The following TEKT5 variants were observed in gnomAD, a reference collection of about 807,000 sequenced individuals.
TEKT5 encodes the protein tektin 5.
Under a neutral mutation model 48.7 loss-of-function variants are expected in TEKT5, and 52 were observed. The ratio of observed to expected loss-of-function variants is 1.07; its 90% CI spans 0.86 to 1.35. The LOEUF is 1.35. TEKT5 is among the 40% of genes most tolerant of loss of function. The pLI is 0.00. For missense variants in TEKT5, 831 were observed against 641.6 expected (o/e 1.30, Z -3.19); for synonymous variants, 318 against 267.6 (o/e 1.19, Z -1.84).
At chr16:10,666,104 G>T (rs546533553) in intron 5 of TEKT5, among the ~76,000 whole-genome samples, 54 of 152,320 alleles carry the variant, frequency 3.5e-4, no homozygotes, top group African/African-American at 1.3e-3. Context: ...CGGGCATGGT[G>T]GTGTGCACCC....
intron 5 of TEKT5, among the ~76,000 whole-genome samples, chr16:10,650,121 G>C (rs945469784): frequency 6.6e-6 from 1 of 151,730 alleles, no homozygotes; most frequent in Non-Finnish European, 1.5e-5. Flanking sequence ...GCCCACGCTG[G>C]AGTGCAGTGG....
chr16:10,665,254 G>C (rs192202158), intron 5 of TEKT5, among the ~76,000 whole-genome samples: 1 of 152,298 alleles, frequency 6.6e-6, no homozygotes, highest in African/African-American at 2.4e-5. Context: ...CATTACCCGG[G>C]AGATGACACC....
At chr16:10,638,159 C>T (rs1897942017) in intron 5 of TEKT5, among the ~76,000 whole-genome samples, 1 of 151,564 alleles carries the variant, frequency 6.6e-6, no homozygotes, top group Non-Finnish European at 1.5e-5. Context: ...TGAAACTTTC[C>T]ACAACAAAAA....
intron 3 of TEKT5, among the ~76,000 whole-genome samples, chr16:10,685,650 C>A (rs1237887500): frequency 3.9e-5 from 6 of 152,142 alleles, no homozygotes; most frequent in Admixed American, 3.9e-4. Context: ...CTTTCTCTGT[C>A]TCTATCTCAT....
At chr16:10,666,911 G>A (rs1014404618) in intron 5 of TEKT5, among the ~76,000 whole-genome samples, 3 of 151,748 alleles carry the variant, frequency 2.0e-5, no homozygotes, top group Admixed American at 1.3e-4. Context: ...TGATGCAGGG[G>A]TAACTATTCT....
chr16:10,656,644 A>G (rs188025309), intron 5 of TEKT5, among the ~76,000 whole-genome samples: 23 of 152,366 alleles, frequency 1.5e-4, no homozygotes, highest in African/African-American at 5.0e-4. Flanking sequence ...CCTGAGATAT[A>G]ATAAACTGAT....
intron 5 of TEKT5, among the ~76,000 whole-genome samples, chr16:10,660,151 G>A (rs916679446): frequency 1.3e-5 from 2 of 152,138 alleles, no homozygotes; most frequent in African/African-American, 4.8e-5. Context: ...CTCCAGTATG[G>A]GATCCAATTT....
chr16:10,646,457 T>A (rs1898072204), intron 5 of TEKT5, among the ~76,000 whole-genome samples: 1 of 152,240 alleles, frequency 6.6e-6, no homozygotes, highest in African/African-American at 2.4e-5. Context: ...AGTCCCTGCC[T>A]TCAAGGATTT....
Position 10,674,611 on chromosome 16 carries a change from A to T in TEKT5, c.1086+1348T>A, listed in dbSNP as rs1260215041. ...CCAGCCTGGGCAACAGAGCAAGATC[A>T]TCTCAGAAAAAAAAAAAAAAAAAAA... On this transcript the variant is annotated intron_variant, in intron 5 of 6. Coordinates refer to ENST00000283025, the MANE Select transcript of TEKT5 (RefSeq NM_144674.2). 3.9e-5 allele frequency among the ~76,000 whole-genome samples: 4 copies of T among 102,628 alleles called. No homozygotes were observed. In the East Asian group the frequency reaches 1.1e-3, roughly 29 times the overall value. 67.3% of individuals were successfully genotyped at this position (102,628 alleles called of 152,430 possible).
chr16:10,640,395 T>C (rs1214550684), intron 5 of TEKT5, among the ~76,000 whole-genome samples: 1 of 152,206 alleles, frequency 6.6e-6, no homozygotes, highest in African/African-American at 2.4e-5. Flanking sequence ...AATACAGGCA[T>C]GTGAGCCGCC....
chr16:10,647,323 T>G (rs1390602178), intron 5 of TEKT5, among the ~76,000 whole-genome samples: 1 of 151,378 alleles, frequency 6.6e-6, no homozygotes, highest in Non-Finnish European at 1.5e-5. Context: ...TAAAAAAAAA[T>G]AAGCCGGGCG....
intron 6 of TEKT5, among the ~76,000 whole-genome samples, chr16:10,631,083 T>TATATAC (rs768698257): frequency 2.4e-4 from 36 of 148,734 alleles, no homozygotes; most frequent in African/African-American, 8.2e-4. Context: ...TATATATATA[T>TATATAC]ACACACACAC....
chr16:10,666,973 C>T (rs1000459913), intron 5 of TEKT5, among the ~76,000 whole-genome samples: 20 of 126,088 alleles, frequency 1.6e-4, no homozygotes, highest in Non-Finnish European at 3.2e-4. Context: ...AACACTGGCT[C>T]CTTACTTTTT....
At chr16:10,662,142 G>A (rs146360173) in intron 5 of TEKT5, among the ~76,000 whole-genome samples, 215 of 152,314 alleles carry the variant, frequency 1.4e-3, no homozygotes, top group African/African-American at 4.8e-3. Flanking sequence ...ACTGTCCTGT[G>A]CACTGTGGGA....
chr16:10,683,873 A>T (rs2248005), intron 3 of TEKT5, among the ~76,000 whole-genome samples: 1 of 152,232 alleles, frequency 6.6e-6, no homozygotes, highest in Non-Finnish European at 1.5e-5. Context: ...GATTATAGGC[A>T]TAAGCCACCG....
intron 6 of TEKT5, among the ~76,000 whole-genome samples, chr16:10,634,850 C>T (rs1049146330): frequency 6.6e-6 from 1 of 152,140 alleles, no homozygotes; most frequent in Non-Finnish European, 1.5e-5. Flanking sequence ...GGAACCTTCC[C>T]CAGTCCAGCC....
intron 5 of TEKT5, among the ~76,000 whole-genome samples, chr16:10,654,315 T>A (rs1159711354): frequency 6.6e-6 from 1 of 152,196 alleles, no homozygotes; most frequent in Non-Finnish European, 1.5e-5. Flanking sequence ...CCTCCCAAAG[T>A]GCTGGGATTA....
chr16:10,689,965 T>C lies in TEKT5; in HGVS notation c.625A>G (p.Asn209Asp), dbSNP rs1035266014. The change falls in exon 2 of 7, where the codon AAC (asparagine) becomes GAC (aspartate). Residue 209 changes from asparagine to aspartate, a missense_variant. Transcript: ENST00000283025. ...ACCCGGATAAGGTTTTTCTCCACGT[T>C]GTCATGGACCAAATCAATCCCAATC... ...KRIGIDLVHD[N>D]VEKNLIREVD... 1.2e-6 allele frequency: 2 copies of C among 1,613,920 alleles called. No homozygotes were observed. Among genetic ancestry groups the C allele is most frequent in the African/African-American group, 2.7e-5 (2 of 74,880 alleles).
rs200938027 is a variant in TEKT5, at chr16:10,694,788, G to A, written c.86C>T (p.Ala29Val). The A allele has an allele frequency of 2.3e-5, 37 of 1,613,462 alleles. No individual in the cohort carries two copies. The African/African-American group carries it at 2.7e-4, about 12-fold the overall frequency. Residue 29 changes from alanine to valine, a missense_variant, in exon 1 of 7, where the codon GCG (alanine) becomes GTG (valine). Coordinates refer to ENST00000283025, the MANE Select transcript of TEKT5 (RefSeq NM_144674.2). ...CTGATAGCATTCCTGGATCACTGGCGCCTGTACAGCTGGCAGTGAGGTCAA... is the reference window on the plus strand; with the variant it reads ...CTGATAGCATTCCTGGATCACTGGCACCTGTACAGCTGGCAGTGAGGTCAA... The part of the protein sequence containing the change: ...CGLTSLPAVQ[A>V]PVIQECYQPY...
Sources: gnomAD v4.1 joint callset for allele counts (sites outside exome capture counted in the v4.1 genomes callset) on GRCh38, gnomAD v4.1.1 for gene constraint, MANE v1.5 for transcripts, NCBI Gene and HGNC (gene_info 2026-07-23, HGNC 2026-07-21) for gene names.